Variants in B3GALT1 observed in about 807,000 individuals in gnomAD.
B3GALT1 encodes the protein UDP-Gal:betaGlcNAc beta 1,3-galactosyltransferase, polypeptide 1.
In B3GALT1, 10 loss-of-function variants were observed where a neutral mutation model predicts 23.2. The observed-to-expected ratio is 0.43, with a 90% CI of 0.27 to 0.73. The LOEUF (loss-of-function observed/expected upper bound fraction) is 0.73, where lower values mean the gene tolerates loss of function less well. Ranked by LOEUF, B3GALT1 falls within the 30% of genes least tolerant of loss-of-function variation. The pLI is 0.21. For missense variants in B3GALT1, 299 were observed against 405.4 expected, an observed-to-expected ratio of 0.74 and a Z score of 2.25; for synonymous variants, 156 against 141.5, an observed-to-expected ratio of 1.10 and a Z score of -0.73.
intron 1 of B3GALT1, among the ~76,000 whole-genome samples, chr2:167,379,879 T>C (rs1185889323): frequency 1.3e-5 from 2 of 152,320 alleles, no homozygotes; most frequent in Admixed American, 1.3e-4. Flanking sequence ...CCTAAACTTC[T>C]AACACAGGAG....
chr2:167,683,585 G>A (rs572008591), intron 3 of B3GALT1, among the ~76,000 whole-genome samples: 5 of 152,282 alleles, frequency 3.3e-5, no homozygotes, highest in Admixed American at 6.5e-5. Context: ...GCTGGGCATG[G>A]TGGTGGGTGC....
At chr2:167,334,749 G>A (rs1283683794) in intron 1 of B3GALT1, among the ~76,000 whole-genome samples, 1 of 152,130 alleles carries the variant, frequency 6.6e-6, no homozygotes, top group East Asian at 1.9e-4. Flanking sequence ...GGGGAACACA[G>A]AGATGTTTTA....
intron 1 of B3GALT1, among the ~76,000 whole-genome samples, chr2:167,308,683 TC>T (rs1181375295): frequency 6.6e-6 from 1 of 151,940 alleles, no homozygotes; most frequent in South Asian, 2.1e-4. Flanking sequence ...TTTAAAAGGC[TC>T]ATTTCCTGTT....
At chr2:167,359,467 G>C (rs1219133670) in intron 1 of B3GALT1, among the ~76,000 whole-genome samples, 1 of 152,138 alleles carries the variant, frequency 6.6e-6, no homozygotes, top group Non-Finnish European at 1.5e-5. Context: ...GTCCCTTCCG[G>C]ATACAGTAGG....
intron 3 of B3GALT1, among the ~76,000 whole-genome samples, chr2:167,685,092 T>G (rs1686596672): frequency 6.6e-6 from 1 of 152,206 alleles, no homozygotes; most frequent in Non-Finnish European, 1.5e-5. Flanking sequence ...ATATTGTACA[T>G]GGAAATCTTG....
At chr2:167,451,311 C>T (rs1248718041) in intron 1 of B3GALT1, among the ~76,000 whole-genome samples, 1 of 152,128 alleles carries the variant, frequency 6.6e-6, no homozygotes, top group East Asian at 1.9e-4. Flanking sequence ...GGTTCCTTCT[C>T]ATTTGGGTAG....
chr2:167,322,371 T>C (rs558008749), intron 1 of B3GALT1, among the ~76,000 whole-genome samples: 1 of 151,680 alleles, frequency 6.6e-6, no homozygotes, highest in Non-Finnish European at 1.5e-5. Flanking sequence ...AATTTATAAT[T>C]ATTTTATAAT....
chr2:167,557,979 CTT>C (rs1419344856), intron 2 of B3GALT1, among the ~76,000 whole-genome samples: 7 of 152,204 alleles, frequency 4.6e-5, no homozygotes, highest in African/African-American at 1.7e-4. Flanking sequence ...CATTTAATCA[CTT>C]TTCTTATGTT....
chr2:167,572,284 A>G (rs1324812710), intron 2 of B3GALT1, among the ~76,000 whole-genome samples: 2 of 151,844 alleles, frequency 1.3e-5, no homozygotes, highest in East Asian at 1.9e-4. Context: ...TGTAAATGCT[A>G]TCTGTTCAGG....
At chr2:167,602,950 C>A (rs762839180) in intron 2 of B3GALT1, among the ~76,000 whole-genome samples, 13 of 152,106 alleles carry the variant, frequency 8.5e-5, no homozygotes, top group Non-Finnish European at 1.8e-4. Flanking sequence ...TCTTGTTTGG[C>A]CCTGCACTAC....
intron 1 of B3GALT1, among the ~76,000 whole-genome samples, chr2:167,473,715 C>G (rs554965409): frequency 1.3e-5 from 2 of 151,992 alleles, no homozygotes; most frequent in African/African-American, 4.8e-5. Context: ...ATGAGTGAAC[C>G]AAGGCTGGGA....
chr2:167,352,382 T>TA (rs938178913), intron 1 of B3GALT1, among the ~76,000 whole-genome samples: 1 of 151,420 alleles, frequency 6.6e-6, no homozygotes, highest in African/African-American at 2.4e-5. Flanking sequence ...GACCTGTCGA[T>TA]AGAGTTTGTG....
At chr2:167,303,775 A>G (rs1396225511) in intron 1 of B3GALT1, among the ~76,000 whole-genome samples, 3 of 151,994 alleles carry the variant, frequency 2.0e-5, no homozygotes, top group Non-Finnish European at 2.9e-5. Context: ...ATTGAGCACT[A>G]TCTTGCATAG....
At chr2:167,669,294 A>G (rs1244466960) in intron 3 of B3GALT1, among the ~76,000 whole-genome samples, 1 of 152,246 alleles carries the variant, frequency 6.6e-6, no homozygotes, top group Non-Finnish European at 1.5e-5. Context: ...ACTCATGAAA[A>G]TAAGTAATGG....
intron 2 of B3GALT1, among the ~76,000 whole-genome samples, chr2:167,635,639 G>A (rs1349333815): frequency 6.6e-6 from 1 of 151,844 alleles, no homozygotes; most frequent in Non-Finnish European, 1.5e-5. Flanking sequence ...ACTTAAAAAG[G>A]GATGTGAAGG....
intron 1 of B3GALT1, among the ~76,000 whole-genome samples, chr2:167,331,769 AC>A (rs1404800806): frequency 1.3e-5 from 2 of 152,126 alleles, no homozygotes; most frequent in African/African-American, 4.8e-5. Context: ...GTCCCAGGCC[AC>A]TGGTAGGGTG....
At chr2:167,454,205 G>A (rs1412726136) in intron 1 of B3GALT1, among the ~76,000 whole-genome samples, 2 of 151,396 alleles carry the variant, frequency 1.3e-5, no homozygotes, top group African/African-American at 4.9e-5. Context: ...AAGTGTGTGT[G>A]TGTGTGCGCA....
In B3GALT1 at chr2:167,870,238, G is replaced by A; in HGVS notation, c.*218G>A. ...TTAGAAGGGCCAGATTTCATTCTCA[G>A]TCCCAGAGCATTGCTATTTATCTCA... On this transcript the variant is annotated 3_prime_UTR_variant, in exon 5 of 5. Coordinates refer to ENST00000392690, the MANE Select transcript of B3GALT1 (RefSeq NM_020981.4). The A allele has an allele frequency of 2.2e-6, 1 of 461,862 alleles. No individual in the cohort carries two copies. Among genetic ancestry groups the A allele is most frequent in the Non-Finnish European group, 3.9e-6 (1 of 255,342 alleles). The allele number at this position is 461,862 out of a possible 1,614,324, so 28.6% of individuals were successfully genotyped here.
At chr2:167,417,039 C>A (rs1170553149) in intron 1 of B3GALT1, among the ~76,000 whole-genome samples, 1 of 152,058 alleles carries the variant, frequency 6.6e-6, no homozygotes, top group Non-Finnish European at 1.5e-5. Flanking sequence ...ATAAGACTTT[C>A]AGGCTATGGG....
Sources: allele counts gnomAD v4.1 joint callset (sites outside exome capture counted in the v4.1 genomes callset), GRCh38; gene constraint gnomAD v4.1.1; transcripts MANE v1.5; gene names NCBI Gene and HGNC (gene_info 2026-07-23, HGNC 2026-07-21).